Variants in IGSF11 observed in about 807,000 individuals in gnomAD.
IGSF11 encodes the protein CXADR like 1.
Under a neutral mutation model 41.0 loss-of-function variants are expected in IGSF11, and 22 were observed. The observed-to-expected ratio is 0.54, with a 90% CI of 0.38 to 0.77. The LOEUF (loss-of-function observed/expected upper bound fraction) is 0.77, where lower values mean the gene tolerates loss of function less well. Among genes scored for constraint, IGSF11 ranks in the 30% least tolerant of loss-of-function variants. IGSF11 has a pLI of 0.00. For missense variants in IGSF11, 444 were observed against 530.8 expected (o/e 0.84, Z 1.61); for synonymous variants, 219 against 201.3 (o/e 1.09, Z -0.74).
intron 1 of IGSF11, among the ~76,000 whole-genome samples, chr3:119,137,234 T>C (rs1432393076): frequency 6.6e-6 from 1 of 152,108 alleles, no homozygotes; most frequent in African/African-American, 2.4e-5. Context: ...CTCAAATTTA[T>C]ATGGAACAAC....
upstream of IGSF11, among the ~76,000 whole-genome samples, chr3:119,107,435 TTTG>T (rs1319003132): frequency 1.3e-5 from 2 of 152,200 alleles, no homozygotes; most frequent in Non-Finnish European, 2.9e-5. Flanking sequence ...GATGGGGTTG[TTTG>T]TTTTTTTCTT....
chr3:119,003,761 A>G (rs1937161729), intron 1 of IGSF11, among the ~76,000 whole-genome samples: 1 of 151,848 alleles, frequency 6.6e-6, no homozygotes, highest in East Asian at 1.9e-4. Context: ...ATGCTGGATT[A>G]CATTTATTGA....
chr3:119,070,040 A>G (rs903762370), intron 1 of IGSF11, among the ~76,000 whole-genome samples: 1 of 152,178 alleles, frequency 6.6e-6, no homozygotes, highest in Non-Finnish European at 1.5e-5. Context: ...TATTCCGTTT[A>G]AAAGGAGGAA....
At chr3:118,950,893 A>G (rs1576461237) in intron 1 of IGSF11, among the ~76,000 whole-genome samples, 3 of 152,292 alleles carry the variant, frequency 2.0e-5, no homozygotes, top group Middle Eastern at 6.8e-3. Flanking sequence ...TTGGGAGCAG[A>G]TTAACAGCTA....
chr3:118,924,364 TAGTAA>T (rs1397324196), intron 4 of IGSF11, among the ~76,000 whole-genome samples: 2 of 152,098 alleles, frequency 1.3e-5, no homozygotes, highest in Non-Finnish European at 2.9e-5. Flanking sequence ...TAAACATAAT[TAGTAA>T]AGTAAATCTT....
intron 4 of IGSF11, among the ~76,000 whole-genome samples, chr3:118,920,996 C>T (rs1941722970): frequency 6.6e-6 from 1 of 152,148 alleles, no homozygotes; most frequent in South Asian, 2.1e-4. Flanking sequence ...TCCATTCCCT[C>T]TACCTGGAAT....
At chr3:119,087,284 G>A (rs1373734547) in intron 1 of IGSF11, among the ~76,000 whole-genome samples, 4 of 151,956 alleles carry the variant, frequency 2.6e-5, no homozygotes, top group East Asian at 1.9e-4. Flanking sequence ...GCACATGCAC[G>A]TTTACAGCAG....
At chr3:118,982,556 G>A (rs1425828475) in intron 1 of IGSF11, among the ~76,000 whole-genome samples, 4 of 152,022 alleles carry the variant, frequency 2.6e-5, no homozygotes, top group Admixed American at 2.6e-4. Flanking sequence ...TAAAAAGAAG[G>A]ACAAAGGGTT....
At chr3:119,023,713 T>G (rs1208433800) in intron 1 of IGSF11, among the ~76,000 whole-genome samples, 1 of 152,052 alleles carries the variant, frequency 6.6e-6, no homozygotes. Flanking sequence ...ATAAATACAA[T>G]GAAAAGGACT....
chr3:118,920,167 G>A (rs1411705123), intron 4 of IGSF11, among the ~76,000 whole-genome samples: 2 of 146,918 alleles, frequency 1.4e-5, no homozygotes, highest in South Asian at 2.2e-4. Context: ...GCTAGATGAC[G>A]AGTTAGTGGG....
chr3:119,085,602 T>A (rs543360260), intron 1 of IGSF11, among the ~76,000 whole-genome samples: 1 of 152,068 alleles, frequency 6.6e-6, no homozygotes, highest in Non-Finnish European at 1.5e-5. Flanking sequence ...CTCATCAACA[T>A]CCAGGTGAAA....
intron 1 of IGSF11, among the ~76,000 whole-genome samples, chr3:119,058,981 G>T (rs1465049778): frequency 6.6e-6 from 1 of 151,844 alleles, no homozygotes; most frequent in African/African-American, 2.4e-5. Context: ...TTGTGGGGTG[G>T]GGGGAGAGGG....
intron 1 of IGSF11, among the ~76,000 whole-genome samples, chr3:119,132,020 C>T (rs141827060): frequency 0.017 from 2,591 of 152,192 alleles, 68 homozygotes; most frequent in African/African-American, 0.06. Context: ...TTGTCACCAC[C>T]AGGCCTACCT....
intron 1 of IGSF11, among the ~76,000 whole-genome samples, chr3:119,016,051 G>A (rs1157002506): frequency 6.6e-6 from 1 of 152,200 alleles, no homozygotes; most frequent in Admixed American, 6.5e-5. Flanking sequence ...GAGTAGACCA[G>A]GCAGAAAGGC....
chr3:119,069,529 T>C (rs912856327), intron 1 of IGSF11, among the ~76,000 whole-genome samples: 1 of 152,166 alleles, frequency 6.6e-6, no homozygotes, highest in African/African-American at 2.4e-5. Flanking sequence ...TGAAAAGGCC[T>C]AATTTCAGAT....
At chr3:118,944,687 C>T (rs76757286) in intron 1 of IGSF11, among the ~76,000 whole-genome samples, 119 of 152,098 alleles carry the variant, frequency 7.8e-4, no homozygotes, top group African/African-American at 2.8e-3. Flanking sequence ...CCTATATGCT[C>T]GGGTCTCAGC....
intron 1 of IGSF11, among the ~76,000 whole-genome samples, chr3:119,123,239 G>A (rs982091338): frequency 6.6e-6 from 1 of 152,220 alleles, no homozygotes; most frequent in Non-Finnish European, 1.5e-5. Context: ...GGTGGTAGCG[G>A]CCACAGGGTC....
chr3:118,905,095 C>A (rs1394247407), intron 5 of IGSF11, among the ~76,000 whole-genome samples: 1 of 152,146 alleles, frequency 6.6e-6, no homozygotes, highest in Non-Finnish European at 1.5e-5. Flanking sequence ...ATCTAACTTG[C>A]CTGGTCTACC....
intron 1 of IGSF11, among the ~76,000 whole-genome samples, chr3:118,977,203 T>G (rs1252842332): frequency 1.3e-5 from 2 of 152,190 alleles, no homozygotes; most frequent in African/African-American, 4.8e-5. Context: ...CCTAAATACT[T>G]GATTTGGACA....
Sources: gnomAD v4.1 joint callset for allele counts (sites outside exome capture counted in the v4.1 genomes callset) on GRCh38, gnomAD v4.1.1 for gene constraint, MANE v1.5 for transcripts, NCBI Gene and HGNC (gene_info 2026-07-23, HGNC 2026-07-21) for gene names.